Variants in NRXN3 observed in about 807,000 individuals in gnomAD.
NRXN3 encodes the protein neurexin III.
A neutral mutation model predicts 137.6 loss-of-function variants in NRXN3; 32 were observed. The observed-to-expected ratio is 0.23, with a 90% CI of 0.18 to 0.31. NRXN3 has a LOEUF of 0.31. Among genes scored for constraint, NRXN3 ranks in the 10% least tolerant of loss-of-function variants. The pLI, the probability that NRXN3 is intolerant of heterozygous loss-of-function variation, is 1.00. For synonymous variants in NRXN3, 798 were observed against 784.5 expected (o/e 1.02, Z -0.29); for missense variants, 1,574 against 2,062.5 (o/e 0.76, Z 4.59).
At chr14:79,402,553 A>G (rs1316157702) in intron 15 of NRXN3, among the ~76,000 whole-genome samples, 2 of 152,210 alleles carry the variant, frequency 1.3e-5, no homozygotes, top group Non-Finnish European at 2.9e-5. Flanking sequence ...TAGGTCTTAA[A>G]TGTAAATGCA....
At chr14:78,861,092 G>GC (rs77472261) in intron 10 of NRXN3, among the ~76,000 whole-genome samples, 42,352 of 151,922 alleles carry the variant, frequency 0.28, 9,739 homozygotes, top group African/African-American at 0.63. Context: ...TCCTGTAATA[G>GC]TTCCACCTTT....
intron 4 of NRXN3, among the ~76,000 whole-genome samples, chr14:78,468,790 C>T (rs955107215): frequency 1.5e-4 from 23 of 152,102 alleles, no homozygotes; most frequent in African/African-American, 5.6e-4. Context: ...TAGGAAGTGA[C>T]ATAGATCTTC....
rs530277991 is a variant in NRXN3 at position 79,107,938 on chromosome 14, G to T, written c.3262+119797G>T. Among the ~76,000 whole-genome samples, 7 of 152,236 alleles carry T rather than the reference G, an allele frequency of 4.6e-5. No homozygotes were observed. The East Asian group carries it at 1.4e-3, about 29-fold the overall frequency. ...TATTTTAGTCAGGACCAATATAAAT[G>T]TGCCAAAGGAAATGATTAAATATGG... On this transcript the variant is annotated intron_variant, in intron 15 of 20. Transcript: ENST00000335750.
chr14:79,322,967 G>T (rs958501619), intron 15 of NRXN3, among the ~76,000 whole-genome samples: 12 of 152,212 alleles, frequency 7.9e-5, no homozygotes, highest in Non-Finnish European at 1.5e-4. Context: ...GGTAAGAAAT[G>T]ACTGTAGTGA....
At chr14:79,258,562 C>G (rs2077106629) in intron 15 of NRXN3, among the ~76,000 whole-genome samples, 1 of 152,108 alleles carries the variant, frequency 6.6e-6, no homozygotes, top group Admixed American at 6.5e-5. Context: ...CAAATTCTGG[C>G]TTTATTCTTT....
At chr14:79,689,423 A>AAAAT (rs1340689636) in intron 17 of NRXN3, among the ~76,000 whole-genome samples, 1 of 152,126 alleles carries the variant, frequency 6.6e-6, no homozygotes, top group African/African-American at 2.4e-5. Context: ...GAGATAAATT[A>AAAAT]AAATAAACAC....
At chr14:78,891,328 C>G (rs543565553) in intron 10 of NRXN3, among the ~76,000 whole-genome samples, 1 of 152,064 alleles carries the variant, frequency 6.6e-6, no homozygotes, top group Non-Finnish European at 1.5e-5. Context: ...AGCAATTTGT[C>G]TGAGGTCATG....
At chr14:78,570,292 G>C (rs1011611634) in intron 4 of NRXN3, among the ~76,000 whole-genome samples, 2 of 152,050 alleles carry the variant, frequency 1.3e-5, no homozygotes, top group African/African-American at 2.4e-5. Flanking sequence ...GAAGTCTGCA[G>C]TACAGAAGAG....
At chr14:78,902,981 A>T (rs772409684) in intron 10 of NRXN3, among the ~76,000 whole-genome samples, 2 of 151,552 alleles carry the variant, frequency 1.3e-5, no homozygotes, top group Non-Finnish European at 2.9e-5. Context: ...TAATTCTTTC[A>T]TTTCAGATAA....
intron 19 of NRXN3, among the ~76,000 whole-genome samples, chr14:79,780,074 A>G (rs2140071404): frequency 6.6e-6 from 1 of 152,272 alleles, no homozygotes; most frequent in African/African-American, 2.4e-5. Flanking sequence ...CATTTTCATA[A>G]GAGGATCCAC....
chr14:79,673,501 C>T (rs1329341276), intron 17 of NRXN3, among the ~76,000 whole-genome samples: 1 of 152,074 alleles, frequency 6.6e-6, no homozygotes, highest in Non-Finnish European at 1.5e-5. Flanking sequence ...TTATATTGCA[C>T]TTTCAAACAG....
At chr14:79,209,042 G>A (rs1007486726) in intron 15 of NRXN3, among the ~76,000 whole-genome samples, 1 of 152,046 alleles carries the variant, frequency 6.6e-6, no homozygotes, top group African/African-American at 2.4e-5. Flanking sequence ...GGGTTCAAAC[G>A]ATTCTCCTGC....
rs2098395780 is a variant in NRXN3 at position 78,710,333 on chromosome 14, C to T, written c.1660+678C>T. On this transcript the variant is annotated intron_variant, in intron 7 of 20. Coordinates refer to ENST00000335750, the MANE Select transcript of NRXN3 (RefSeq NM_001330195.2). ...AGCTGCAGATCAAACAAGCTAGCCC[C>T]AGGCAGTACATAGCTACTATGGAAT... 3.7e-5 allele frequency among the ~76,000 whole-genome samples: 5 copies of T among 134,458 alleles called. 1 individual carries two copies. In the South Asian group the frequency reaches 1.1e-3, roughly 30 times the overall value. The allele number at this position is 134,458 out of a possible 152,430, so 88.2% of individuals were successfully genotyped here. A position where few individuals can be genotyped will look rare whatever the true frequency, so the allele number is the denominator to read the frequency against.
At chr14:79,772,953 A>G (rs937347341) in intron 19 of NRXN3, among the ~76,000 whole-genome samples, 10 of 152,220 alleles carry the variant, frequency 6.6e-5, no homozygotes, top group Non-Finnish European at 1.2e-4. Context: ...CAACCCCATC[A>G]AAAAGTGGGC....
chr14:78,301,115 G>T (rs187154272), intron 4 of NRXN3, among the ~76,000 whole-genome samples: 1 of 151,768 alleles, frequency 6.6e-6, no homozygotes, highest in Non-Finnish European at 1.5e-5. Flanking sequence ...GAAAGGGAGA[G>T]AATTGGTGAA....
At chr14:79,734,484 T>C (rs1294719243) in intron 19 of NRXN3, among the ~76,000 whole-genome samples, 1 of 152,198 alleles carries the variant, frequency 6.6e-6, no homozygotes, top group African/African-American at 2.4e-5. Context: ...TTTGGGACTT[T>C]AGCCCTGAAA....
intron 16 of NRXN3, among the ~76,000 whole-genome samples, chr14:79,575,713 G>A (rs143587984): frequency 2.2e-4 from 33 of 152,220 alleles, no homozygotes; most frequent in Middle Eastern, 3.4e-3. Flanking sequence ...ACCCCTCAGT[G>A]AAATGATTGC....
At chr14:79,682,966 A>G (rs1052533489) in intron 17 of NRXN3, among the ~76,000 whole-genome samples, 1 of 152,174 alleles carries the variant, frequency 6.6e-6, no homozygotes, top group Non-Finnish European at 1.5e-5. Flanking sequence ...ATGATGACCA[A>G]TGCAAACAAA....
intron 3 of NRXN3, 32 bp downstream of exon 3, chr14:78,278,694 G>T (rs1281538811): frequency 6.5e-7 from 1 of 1,527,896 alleles, no homozygotes; most frequent in African/African-American, 1.4e-5. Flanking sequence ...GCTGCTGTGG[G>T]AATTTCCCCT....
Sources: gnomAD v4.1 joint callset for allele counts (sites outside exome capture counted in the v4.1 genomes callset) on GRCh38, gnomAD v4.1.1 for gene constraint, MANE v1.5 for transcripts, NCBI Gene and HGNC (gene_info 2026-07-23, HGNC 2026-07-21) for gene names.